The following NAV1 variants were observed in gnomAD, a reference collection of about 807,000 sequenced individuals.
NAV1 encodes the protein neuron navigator 1.
In NAV1, 18 loss-of-function variants were observed where a neutral mutation model predicts 175.2. That is an observed-to-expected ratio of 0.10 (90% CI 0.07 to 0.15). The LOEUF is 0.15. NAV1 is among the 10% of genes least tolerant of loss of function. NAV1 has a pLI of 1.00. For missense variants in NAV1, 1,731 were observed against 2,436.6 expected (o/e 0.71, Z 6.10); for synonymous variants, 897 against 978.7 (o/e 0.92, Z 1.56).
At position 201,808,091 on chromosome 1, in the gene NAV1, A is replaced by G. The variant is rs1264180624; in HGVS notation, c.3787A>G (p.Thr1263Ala). The change falls in exon 18 of 30, where the codon ACT (threonine) becomes GCT (alanine). Residue 1263 changes from threonine to alanine, a missense_variant. By Grantham distance (58) the Thr-to-Ala change is moderately conservative. This residue lies in a region of NAV1 where 146 missense variants were observed against 176.8 expected (regional missense o/e 0.83). Coordinates refer to ENST00000367296, the Ensembl canonical transcript of NAV1. This position sits in a 1 kb window ranked among gnomAD's most constrained non-coding sequence, Gnocchi z 5.5. ...CAAACTACAGCATGGTTCTACAGAGACTGCTTCACCCTCCATCAAGTCCTC... is the reference window on the plus strand; with the variant it reads ...CAAACTACAGCATGGTTCTACAGAGGCTGCTTCACCCTCCATCAAGTCCTC... The G allele has an allele frequency of 3.1e-6, 5 of 1,614,006 alleles. No individual in the cohort carries two copies. Among genetic ancestry groups the G allele is most frequent in the African/African-American group, 1.3e-5 (1 of 74,902 alleles).
intron 1 of NAV1, among the ~76,000 whole-genome samples, chr1:201,587,150 G>A (rs1277399139): frequency 6.6e-6 from 1 of 152,064 alleles, no homozygotes; most frequent in Non-Finnish European, 1.5e-5. Flanking sequence ...AATTGAGGCT[G>A]CAGTGAGCCA....
intron 2 of NAV1, among the ~76,000 whole-genome samples, chr1:201,630,895 C>T (rs924286469): frequency 6.6e-6 from 1 of 152,218 alleles, no homozygotes; most frequent in Non-Finnish European, 1.5e-5. Context: ...TAATGATCTC[C>T]ATGCACCTAA....
Position 201,819,916 on chromosome 1 carries a change from T to C in NAV1, c.5618T>C (p.Leu1873Pro), listed in dbSNP as rs757266826. 2.5e-6 allele frequency: 4 copies of C among 1,614,162 alleles called. No homozygotes were observed. The highest frequency in any genetic ancestry group is 2.2e-5 in the East Asian group (1 of 44,878). Residue 1873 changes from leucine (L) to proline (P), a missense_variant, in exon 30 of 30, where the codon CTT becomes CCT. Transcript: ENST00000367296. The stretch of plus-strand genomic sequence containing the variant: ...CGAGAAACCATCCTGGACCCCAACC[T>C]TCAGGCAACACTTTAAGGGTTCGGC...
intron 1 of NAV1, among the ~76,000 whole-genome samples, chr1:201,704,749 G>A (rs968122241): frequency 6.6e-6 from 1 of 152,220 alleles, no homozygotes; most frequent in Non-Finnish European, 1.5e-5. Flanking sequence ...CAGAAGCTCT[G>A]GGGGGTGACA....
intron 2 of NAV1, among the ~76,000 whole-genome samples, chr1:201,631,401 G>T (rs965489541): frequency 7.2e-5 from 11 of 152,210 alleles, no homozygotes; most frequent in African/African-American, 2.2e-4. Context: ...GTCACTTGGG[G>T]CATGACATGA....
chr1:201,711,414 C>G (rs1180542565), intron 1 of NAV1, among the ~76,000 whole-genome samples: 1 of 152,008 alleles, frequency 6.6e-6, no homozygotes, highest in African/African-American at 2.4e-5. Context: ...ACAAGACAGT[C>G]AAGCAGCTGC....
At chr1:201,764,709 TAGGA>T (rs1675087095) in intron 3 of NAV1, among the ~76,000 whole-genome samples, 2 of 152,160 alleles carry the variant, frequency 1.3e-5, no homozygotes, top group Non-Finnish European at 2.9e-5. Context: ...AGCAGGGTGT[TAGGA>T]GGCAAGATGA....
intron 3 of NAV1, chr1:201,723,301 AAG>A (rs1262723901): frequency 6.6e-6 from 1 of 152,218 alleles, no homozygotes; most frequent in African/African-American, 2.4e-5. Flanking sequence ...TTTGAGTGTT[AAG>A]AGTTCTTTAT....
At chr1:201,783,876 C>A in intron 7 of NAV1, 24 bp downstream of exon 11, 2 of 1,574,834 alleles carry the variant, frequency 1.3e-6, no homozygotes, top group Non-Finnish European at 1.7e-6. Context: ...ACAGCAGAAC[C>A]TCGGCCTGTC....
intron 1 of NAV1, among the ~76,000 whole-genome samples, chr1:201,541,094 T>C (rs1229191338): frequency 6.6e-6 from 1 of 152,236 alleles, no homozygotes. Context: ...CATTCTGCTT[T>C]GCATTTTTTG....
At chr1:201,560,260 A>G (rs1211705101) in intron 1 of NAV1, among the ~76,000 whole-genome samples, 1 of 152,174 alleles carries the variant, frequency 6.6e-6, no homozygotes, top group Non-Finnish European at 1.5e-5. Context: ...ATCTTGGGTG[A>G]TAGAGTATGG....
intron 1 of NAV1, among the ~76,000 whole-genome samples, chr1:201,650,407 G>T (rs1376311552): frequency 6.6e-6 from 1 of 152,242 alleles, no homozygotes; most frequent in East Asian, 1.9e-4. Context: ...GAACAAGGAC[G>T]GTGGGGCCTG....
At position 201,803,721 on chromosome 1, in the gene NAV1, A is replaced by G. The variant is rs762015420; in HGVS notation, c.3639+7A>G. On this transcript the variant is annotated splice_region_variant and intron_variant, in intron 16 of 29. Coordinates refer to ENST00000367296, the Ensembl canonical transcript of NAV1. ...GAAGAAAAAAAAGAGTTGGGTAGGT[A>G]AAGGTTTGGGGGGTGGGAAGTAGGT... The G allele has an allele frequency of 2.0e-6, 3 of 1,469,102 alleles. No individual in the cohort carries two copies. The highest frequency in any genetic ancestry group is 5.1e-5 in the African/African-American group (2 of 38,970). 91.0% of individuals were successfully genotyped at this position (1,469,102 alleles called of 1,614,324 possible). A position where few individuals can be genotyped will look rare whatever the true frequency, so the allele number is the denominator to read the frequency against.
At chr1:201,734,012 G>A (rs533677441) in intron 3 of NAV1, among the ~76,000 whole-genome samples, 1 of 152,328 alleles carries the variant, frequency 6.6e-6, no homozygotes, top group African/African-American at 2.4e-5. Context: ...AGGGGAACCA[G>A]GAAGCATGGA....
chr1:201,590,753 G>T (rs546329862), intron 2 of NAV1, among the ~76,000 whole-genome samples: 1 of 152,202 alleles, frequency 6.6e-6, no homozygotes, highest in African/African-American at 2.4e-5. Context: ...CCTCTTGCCC[G>T]TCTGAGAACT....
intron 2 of NAV1, among the ~76,000 whole-genome samples, chr1:201,593,489 G>A (rs562412707): frequency 6.6e-6 from 1 of 152,370 alleles, no homozygotes; most frequent in Non-Finnish European, 1.5e-5. Context: ...CCCTGGGGCA[G>A]CAGTTAGACG....
At chr1:201,641,376 A>G (rs1279232889) in intron 2 of NAV1, among the ~76,000 whole-genome samples, 1 of 152,168 alleles carries the variant, frequency 6.6e-6, no homozygotes, top group East Asian at 1.9e-4. Flanking sequence ...AATAGCAGCC[A>G]AAGTGGCCTT....
intron 1 of NAV1, among the ~76,000 whole-genome samples, chr1:201,563,346 C>T (rs1431813393): frequency 6.6e-6 from 1 of 152,104 alleles, no homozygotes; most frequent in East Asian, 1.9e-4. Context: ...TGACCCAACA[C>T]GATTTTTTTT....
chr1:201,767,298 A>G (rs956250362), intron 3 of NAV1, among the ~76,000 whole-genome samples: 7 of 151,580 alleles, frequency 4.6e-5, no homozygotes, highest in Admixed American at 2.6e-4. Flanking sequence ...TAAAAATCCA[A>G]AAATTAGCTG....
Sources: gnomAD v4.1 joint callset for allele counts (sites outside exome capture counted in the v4.1 genomes callset) on GRCh38, gnomAD v4.1.1 for gene constraint, gnomAD v4.1.1 regional missense constraint, Gnocchi (gnomAD v3.1) non-coding constraint, MANE v1.5 for transcripts, NCBI Gene and HGNC (gene_info 2026-07-23, HGNC 2026-07-21) for gene names.